The following RAB3GAP2 variants were observed in gnomAD, a reference collection of about 807,000 sequenced individuals.
RAB3GAP2 encodes the protein rab3 GTPase-activating protein non-catalytic subunit.
Under a neutral mutation model 185.3 loss-of-function variants are expected in RAB3GAP2, and 87 were observed. That is an observed-to-expected ratio of 0.47 (90% CI 0.39 to 0.56). The LOEUF is 0.56. RAB3GAP2 is among the 20% of genes least tolerant of loss of function. The pLI is 0.00. For synonymous variants in RAB3GAP2, 554 were observed against 576.1 expected (o/e 0.96, Z 0.55); for missense variants, 1,492 against 1,638.2 (o/e 0.91, Z 1.54).
intron 24 of RAB3GAP2, among the ~76,000 whole-genome samples, chr1:220,168,623 T>C (rs557017232): frequency 6.6e-6 from 1 of 151,658 alleles, no homozygotes; most frequent in African/African-American, 2.4e-5. Flanking sequence ...TCGCAAACTC[T>C]TGACATCAGG....
intron 1 of RAB3GAP2, among the ~76,000 whole-genome samples, chr1:220,271,472 G>T (rs2102541623): frequency 6.6e-6 from 1 of 152,278 alleles, no homozygotes; most frequent in South Asian, 2.1e-4. Context: ...TACTACTTGG[G>T]GAAAGGCTTA....
chr1:220,237,694 G>A (rs894787685), intron 1 of RAB3GAP2, among the ~76,000 whole-genome samples: 2 of 152,130 alleles, frequency 1.3e-5, no homozygotes, highest in South Asian at 2.1e-4. Flanking sequence ...ATCACCTAAA[G>A]GATAAACCTA....
chr1:220,227,172 A>G (rs868616801), intron 2 of RAB3GAP2, among the ~76,000 whole-genome samples: 1 of 152,238 alleles, frequency 6.6e-6, no homozygotes, highest in African/African-American at 2.4e-5. Context: ...TAGCAGAAAG[A>G]TGTTGGTCTT....
chr1:220,152,229 C>T (rs1384489079), intron 33 of RAB3GAP2, among the ~76,000 whole-genome samples: 1 of 152,202 alleles, frequency 6.6e-6, no homozygotes, highest in African/African-American at 2.4e-5. Context: ...GCACATGCCA[C>T]CACGCCCAGC....
intron 1 of RAB3GAP2, among the ~76,000 whole-genome samples, chr1:220,242,873 A>C (rs1659721802): frequency 6.6e-6 from 1 of 152,242 alleles, no homozygotes; most frequent in Non-Finnish European, 1.5e-5. Context: ...AGATGACATA[A>C]TCAAATGCCT....
Position 220,215,939 on chromosome 1 carries a change from T to C in RAB3GAP2, c.181-1960A>G, listed in dbSNP as rs1475428886. On this transcript the variant is annotated intron_variant, in intron 2 of 34. Coordinates refer to ENST00000358951, the MANE Select transcript of RAB3GAP2 (RefSeq NM_012414.4). ...TAATAAGCATGCATTACAAGCATTA[T>C]AAAATTTAAAAGATTTTAGAAACAG... is the stretch of plus-strand genomic sequence containing the variant. Among the ~76,000 whole-genome samples the C allele has an allele frequency of 2.0e-5, 3 of 152,176 alleles. No individual in the cohort carries two copies. In the East Asian group the frequency reaches 5.8e-4, roughly 29 times the overall value.
intron 2 of RAB3GAP2, among the ~76,000 whole-genome samples, chr1:220,227,220 G>A (rs1485436281): frequency 6.6e-6 from 1 of 152,214 alleles, no homozygotes; most frequent in Non-Finnish European, 1.5e-5. Flanking sequence ...AAGCCTACCA[G>A]TGTCATAGAT....
chr1:220,182,822 T>C lies in RAB3GAP2; in HGVS notation c.2108A>G (p.Asp703Gly). The change falls in exon 20 of 35, where the codon GAT becomes GGT. Residue 703 changes from aspartate (D) to glycine (G), a missense_variant. Physicochemically the swap from Asp to Gly is moderately conservative, Grantham distance 94. Transcript: ENST00000358951. Reference sequence around the variant, plus strand: ...TTTTACAGGCAACACACCATCTTTATCATCAGAAAATCGAACATTTGTCCT... The same window carrying C: ...TTTTACAGGCAACACACCATCTTTACCATCAGAAAATCGAACATTTGTCCT... ...NTRTNVRFSD[D>G]KDGVLPVKTF... 6.2e-7 allele frequency: 1 copy of C among 1,613,566 alleles called. No individual in the cohort carries two copies. Among genetic ancestry groups the C allele is most frequent in the Non-Finnish European group, 8.5e-7 (1 of 1,179,708 alleles).
At position 220,253,576 on chromosome 1, in the gene RAB3GAP2, C is replaced by G. The variant is rs187758400; in HGVS notation, c.115+18647G>C. 329 of 1,583,316 alleles carry G rather than the reference C, an allele frequency of 2.1e-4. 4 individuals are homozygous for G. The East Asian group carries it at 7.1e-3, about 34-fold the overall frequency. ...GGCGGCAAATCACTTATAAATGGCGCGGAAGCAGGACCCGAAGCCTAAATT... is the reference window on the plus strand; with the variant it reads ...GGCGGCAAATCACTTATAAATGGCGGGGAAGCAGGACCCGAAGCCTAAATT... On this transcript the variant is annotated intron_variant, in intron 1 of 34. Coordinates refer to ENST00000358951, the MANE Select transcript of RAB3GAP2 (RefSeq NM_012414.4).
intron 9 of RAB3GAP2, among the ~76,000 whole-genome samples, chr1:220,199,825 T>A (rs1012855334): frequency 6.6e-6 from 1 of 152,130 alleles, no homozygotes; most frequent in East Asian, 1.9e-4. Context: ...ACAAAAGGTA[T>A]CTCAAATCTG....
rs35162828 is a variant in RAB3GAP2, at chr1:220,189,515, AT to A, written c.1779+187del. 0.77 allele frequency among the ~76,000 whole-genome samples: 112,105 copies of A among 145,286 alleles called. 43,273 individuals are homozygous for A. The highest frequency in any genetic ancestry group is 0.83 in the African/African-American group (32,709 of 39,486). On this transcript the variant is annotated intron_variant, in intron 17 of 34. Transcript: ENST00000358951. ...ATTACAGTTACAGGCATGAATATTA[AT>A]TTTTTTTTTTTTTTTTAAAGAGACA...
At chr1:220,222,190 A>G (rs561135950) in intron 2 of RAB3GAP2, among the ~76,000 whole-genome samples, 63 of 152,328 alleles carry the variant, frequency 4.1e-4, no homozygotes, top group African/African-American at 1.5e-3. Context: ...AAACATCACT[A>G]TATTACTAGT....
At chr1:220,233,328 A>T (rs1659534285) in intron 1 of RAB3GAP2, among the ~76,000 whole-genome samples, 1 of 152,222 alleles carries the variant, frequency 6.6e-6, no homozygotes, top group South Asian at 2.1e-4. Flanking sequence ...AATAAAACTG[A>T]ATTTTGAAAC....
chr1:220,189,989 T>A, intron 16 of RAB3GAP2, 75 bp downstream of exon 16: 8 of 1,286,186 alleles, frequency 6.2e-6, no homozygotes, highest in Non-Finnish European at 9.0e-6. Flanking sequence ...TTTTGATTGC[T>A]CCATTCAGAA....
At chr1:220,228,206 G>T (rs1266328860) in intron 2 of RAB3GAP2, among the ~76,000 whole-genome samples, 2 of 152,136 alleles carry the variant, frequency 1.3e-5, no homozygotes, top group Admixed American at 1.3e-4. Context: ...TTCCTAATAA[G>T]AGAGAGTAAA....
In RAB3GAP2 at chr1:220,189,766, A is replaced by T. The variant is rs1417778869; in HGVS notation, c.1716T>A (p.Asp572Glu). 1.3e-6 allele frequency: 2 copies of T among 1,484,068 alleles called. No homozygotes were observed. Among genetic ancestry groups the T allele is most frequent in the Non-Finnish European group, 1.8e-6 (2 of 1,093,732 alleles). The allele number at this position is 1,484,068 out of a possible 1,614,324, so 91.9% of individuals were successfully genotyped here. A position where few individuals can be genotyped will look rare whatever the true frequency, so the allele number is the denominator to read the frequency against. The change falls in exon 17 of 35, where the codon GAT (aspartate) becomes GAA (glutamate). Residue 572 changes from aspartate (D) to glutamate (E), a missense_variant and splice_region_variant. Asp to Glu is a conservative substitution (Grantham distance 45). This residue lies in a region of RAB3GAP2 where 681 missense variants were observed against 689.1 expected (regional missense o/e 0.99). Transcript: ENST00000358951. ...ALLKTKSPNL[D>E]LVETEIKELI... The stretch of plus-strand genomic sequence containing the variant: ...ATTCCTTTATTTCTGTTTCAACCAA[A>T]TCTATAAAGAAAAAAATAATCAAAG...
At chr1:220,200,748 G>A in intron 9 of RAB3GAP2, 1 of 442,774 alleles carries the variant, frequency 2.3e-6, no homozygotes. Flanking sequence ...TTATTACAGA[G>A]TATTCCATGT....
chr1:220,237,615 T>G (rs1659618116), intron 1 of RAB3GAP2, among the ~76,000 whole-genome samples: 1 of 152,212 alleles, frequency 6.6e-6, no homozygotes, highest in Non-Finnish European at 1.5e-5. Flanking sequence ...AGGTCTGCAA[T>G]GGATACAGGA....
At chr1:220,177,103 G>T (rs953347479) in intron 21 of RAB3GAP2, among the ~76,000 whole-genome samples, 59 of 152,338 alleles carry the variant, frequency 3.9e-4, no homozygotes, top group African/African-American at 1.4e-3. Flanking sequence ...TACCTGTCGG[G>T]GCCACCAGGA....
Sources: gnomAD v4.1 joint callset for allele counts (sites outside exome capture counted in the v4.1 genomes callset) on GRCh38, gnomAD v4.1.1 for gene constraint, gnomAD v4.1.1 regional missense constraint, MANE v1.5 for transcripts, NCBI Gene and HGNC (gene_info 2026-07-23, HGNC 2026-07-21) for gene names.